PHACTR2: variants seen among roughly 807,000 people sequenced by gnomAD.
PHACTR2 encodes the protein chromosome 6 open reading frame 56.
A neutral mutation model predicts 76.0 loss-of-function variants in PHACTR2; 30 were observed. The ratio of observed to expected loss-of-function variants is 0.39; its 90% CI spans 0.30 to 0.54. The LOEUF is 0.54. PHACTR2 is among the 20% of genes least tolerant of loss of function. PHACTR2 has a pLI of 0.61. For synonymous variants in PHACTR2, 292 were observed against 292.5 expected (o/e 1.00, Z 0.02); for missense variants, 696 against 781.1 (o/e 0.89, Z 1.30).
At chr6:143,799,481 G>A (rs1258210078) in intron 11 of PHACTR2, among the ~76,000 whole-genome samples, 1 of 152,120 alleles carries the variant, frequency 6.6e-6, no homozygotes, top group African/African-American at 2.4e-5. Context: ...TGATGTTAGG[G>A]TGTCGATTTT....
chr6:143,634,104 A>G (rs750867380), intron 1 of PHACTR2, among the ~76,000 whole-genome samples: 2 of 152,228 alleles, frequency 1.3e-5, no homozygotes, highest in Non-Finnish European at 2.9e-5. Context: ...AAAATGGCCT[A>G]GAAAATGTTA....
In PHACTR2 at chr6:143,754,091, T is replaced by C. The variant is rs1289908728; in HGVS notation, c.454+179T>C. On this transcript the variant is annotated intron_variant, in intron 4 of 12. Transcript: ENST00000440869. The surrounding 1 kb of genome is among the most constrained non-coding windows in gnomAD (Gnocchi z 6.2). ...AAATCGGATGATTTTCTCAGGTAGA[T>C]GCATCCATTTTATAAGCACAGTATT... The C allele has an allele frequency of 4.8e-6, 2 of 420,220 alleles. No individual in the cohort carries two copies. Among genetic ancestry groups the C allele is most frequent in the Non-Finnish European group, 8.4e-6 (2 of 237,554 alleles). 26.0% of individuals were successfully genotyped at this position (420,220 alleles called of 1,614,324 possible). A position where few individuals can be genotyped will look rare whatever the true frequency, so the allele number is the denominator to read the frequency against.
In PHACTR2 at chr6:143,810,058, C is replaced by T. The variant is rs1021334661; in HGVS notation, c.1922+2925C>T. On this transcript the variant is annotated intron_variant, in intron 12 of 12. Transcript: ENST00000440869. Reference sequence around the variant, plus strand: ...CCCAGGAGGCAGAGGTGGCAGTGAGCCCAGATCACACCACTGCACTCCAGC... The same window carrying T: ...CCCAGGAGGCAGAGGTGGCAGTGAGTCCAGATCACACCACTGCACTCCAGC... 2.4e-4 allele frequency among the ~76,000 whole-genome samples: 36 copies of T among 152,084 alleles called. No individual in the cohort carries two copies. In the East Asian group the frequency reaches 6.6e-3, roughly 28 times the overall value.
chr6:143,805,134 G>T (rs753682509), intron 11 of PHACTR2, among the ~76,000 whole-genome samples: 16 of 152,156 alleles, frequency 1.1e-4, no homozygotes, highest in Non-Finnish European at 4.4e-5. Context: ...ATTTGGAGAA[G>T]AAATTTAAAA....
chr6:143,781,628 A>T (rs558295352), intron 9 of PHACTR2, among the ~76,000 whole-genome samples: 1 of 152,362 alleles, frequency 6.6e-6, no homozygotes, highest in East Asian at 1.9e-4. Context: ...CTCTGGTTTA[A>T]ATCACAAGAA....
At chr6:143,769,767 A>G (rs1554227068) in intron 6 of PHACTR2, among the ~76,000 whole-genome samples, 1 of 152,228 alleles carries the variant, frequency 6.6e-6, no homozygotes, top group Non-Finnish European at 1.5e-5. Flanking sequence ...TATTCAGAAC[A>G]TATTATTAAT....
rs575452732 is a variant in PHACTR2 at position 143,735,427 on chromosome 6, C to T, written c.215-13558C>T. Among the ~76,000 whole-genome samples the T allele has an allele frequency of 1.2e-4, 19 of 152,278 alleles. No homozygotes were observed. In the South Asian group the frequency reaches 3.5e-3, roughly 28 times the overall value. On this transcript the variant is annotated intron_variant, in intron 2 of 12. Transcript: ENST00000440869. ...AAATCTATAGTCCTAAAATATTTTA[C>T]AATTTGATTTTATTTTAAAATCCAT... is the stretch of plus-strand genomic sequence containing the variant.
chr6:143,793,831 T>C lies in PHACTR2; in HGVS notation c.1845+4921T>C, dbSNP rs1210319481. Among the ~76,000 whole-genome samples the C allele has an allele frequency of 6.6e-6, 1 of 151,982 alleles. No homozygotes were observed. The highest frequency in any genetic ancestry group is 1.5e-5 in the Non-Finnish European group (1 of 67,996). On this transcript the variant is annotated intron_variant, in intron 11 of 12. Transcript: ENST00000440869. This position sits in a 1 kb window ranked among gnomAD's most constrained non-coding sequence, Gnocchi z 4.4. ...ACTCGGGAAGCTGAGGTGGGAGAATTGCTTGAGCCCAGGAGCAGGAGGCTG... is the reference window on the plus strand; with the variant it reads ...ACTCGGGAAGCTGAGGTGGGAGAATCGCTTGAGCCCAGGAGCAGGAGGCTG...
intron 1 of PHACTR2, among the ~76,000 whole-genome samples, chr6:143,588,500 C>T (rs1775652739): frequency 6.6e-6 from 1 of 152,166 alleles, no homozygotes; most frequent in Non-Finnish European, 1.5e-5. Context: ...ACCAGAGTGT[C>T]ACTAGGGTCT....
rs1001427323 is a variant in PHACTR2, at chr6:143,733,224, T to C, written c.215-15761T>C. Among the ~76,000 whole-genome samples, 2 of 152,158 alleles carry C rather than the reference T, an allele frequency of 1.3e-5. No individual in the cohort carries two copies. Among genetic ancestry groups the C allele is most frequent in the Non-Finnish European group, 2.9e-5 (2 of 68,026 alleles). ...ATTCCTCCTCTTTTTCTACCTTACTTTTTTCATTTTCCATAGCACATTTTA... is the reference window on the plus strand; with the variant it reads ...ATTCCTCCTCTTTTTCTACCTTACTCTTTTCATTTTCCATAGCACATTTTA... On this transcript the variant is annotated intron_variant, in intron 2 of 12. Transcript: ENST00000440869. This position sits in a 1 kb window ranked among gnomAD's most constrained non-coding sequence, Gnocchi z 4.0.
At position 143,831,085 on chromosome 6, in the gene PHACTR2, G is replaced by C. The variant is rs1331377388; in HGVS notation, c.*7396G>C. 2.6e-5 allele frequency: 4 copies of C among 151,878 alleles called. No individual in the cohort carries two copies. Among genetic ancestry groups the C allele is most frequent in the Non-Finnish European group, 4.4e-5 (3 of 67,970 alleles). The allele number at this position is 151,878 out of a possible 1,614,324, so 9.4% of individuals were successfully genotyped here. A position where few individuals can be genotyped will look rare whatever the true frequency, so the allele number is the denominator to read the frequency against. ...TAACTTGCTATCTTTTTATGTCTGA[G>C]GTATTTGATATTGATGTTTTTATTG... On this transcript the variant is annotated 3_prime_UTR_variant, in exon 13 of 13. Coordinates refer to ENST00000440869, the MANE Select transcript of PHACTR2 (RefSeq NM_001100164.2). The surrounding 1 kb of genome is among the most constrained non-coding windows in gnomAD (Gnocchi z 5.2).
rs528930274 is a variant in PHACTR2 at position 143,624,883 on chromosome 6, C to T, written c.13+16561C>T. Among the ~76,000 whole-genome samples, 3 of 152,154 alleles carry T rather than the reference C, an allele frequency of 2.0e-5. No individual in the cohort carries two copies. Among genetic ancestry groups the T allele is most frequent in the South Asian group, 2.1e-4 (1 of 4,818 alleles). On this transcript the variant is annotated intron_variant, in intron 1 of 11. Coordinates refer to the PHACTR2 transcript ENST00000305766. This position sits in a 1 kb window ranked among gnomAD's most constrained non-coding sequence, Gnocchi z 4.6. ...AAAGTATAGTCAAGGAGGCCGGGAA[C>T]GGTGCCTCACACCTGTAATCCCAGT...
chr6:143,630,541 G>C (rs1394931601), intron 1 of PHACTR2, among the ~76,000 whole-genome samples: 2 of 151,924 alleles, frequency 1.3e-5, no homozygotes, highest in South Asian at 2.1e-4. Flanking sequence ...TCCTTCATAG[G>C]GTCGTTGCAG....
At chr6:143,758,165 C>T (rs924457439) in intron 4 of PHACTR2, among the ~76,000 whole-genome samples, 25 of 152,220 alleles carry the variant, frequency 1.6e-4, no homozygotes, top group Admixed American at 6.5e-5. Flanking sequence ...TCTCCTCCTT[C>T]CCAAACCCAG....
intron 12 of PHACTR2, among the ~76,000 whole-genome samples, chr6:143,817,945 T>C (rs1489288679): frequency 1.3e-5 from 2 of 152,154 alleles, no homozygotes; most frequent in African/African-American, 4.8e-5. Context: ...AGGGGGACTA[T>C]AGTTAATAAT....
intron 11 of PHACTR2, among the ~76,000 whole-genome samples, chr6:143,790,048 C>T (rs919733409): frequency 5.3e-5 from 8 of 152,196 alleles, no homozygotes; most frequent in African/African-American, 1.4e-4. Context: ...GGAGGACGGA[C>T]GGCCACATGT....
Position 143,695,630 on chromosome 6 carries a change from AT to A in PHACTR2, c.47-16385del, listed in dbSNP as rs1322469098. 6.6e-6 allele frequency among the ~76,000 whole-genome samples: 1 copy of A among 152,244 alleles called. No homozygotes were observed. Among genetic ancestry groups the A allele is most frequent in the Non-Finnish European group, 1.5e-5 (1 of 68,042 alleles). On this transcript the variant is annotated intron_variant, in intron 1 of 12. Coordinates refer to ENST00000440869, the MANE Select transcript of PHACTR2 (RefSeq NM_001100164.2). This position sits in a 1 kb window ranked among gnomAD's most constrained non-coding sequence, Gnocchi z 4.4. The stretch of plus-strand genomic sequence containing the variant: ...TAGATCTTTAAAAGGGAAGGGCAGA[AT>A]AAACAGAGGGCCCTTTGATAATGAT...
intron 1 of PHACTR2, among the ~76,000 whole-genome samples, chr6:143,681,838 T>C (rs6916430): frequency 6.6e-5 from 10 of 152,366 alleles, no homozygotes; most frequent in African/African-American, 2.2e-4. Context: ...AAATGACCGT[T>C]CTTTCCCCAT....
Position 143,689,616 on chromosome 6 carries a change from C to G in PHACTR2, c.46+11407C>G, listed in dbSNP as rs570890908. 6.6e-6 allele frequency among the ~76,000 whole-genome samples: 1 copy of G among 152,170 alleles called. No individual in the cohort carries two copies. Among genetic ancestry groups the G allele is most frequent in the Admixed American group, 6.6e-5 (1 of 15,262 alleles). ...CACGTAGTTCTCTTTTTTACCCTAC[C>G]CCAACCCCTGCCTCTCCCCATTTCA... is the stretch of plus-strand genomic sequence containing the variant. On this transcript the variant is annotated intron_variant, in intron 1 of 12. Transcript: ENST00000440869. The surrounding 1 kb of genome is among the most constrained non-coding windows in gnomAD (Gnocchi z 4.4).
Sources: gnomAD v4.1 joint callset for allele counts (sites outside exome capture counted in the v4.1 genomes callset) on GRCh38, gnomAD v4.1.1 for gene constraint, Gnocchi (gnomAD v3.1) non-coding constraint, MANE v1.5 for transcripts, NCBI Gene and HGNC (gene_info 2026-07-23, HGNC 2026-07-21) for gene names.